HCRTR1: variants seen among roughly 807,000 people sequenced by gnomAD.
HCRTR1 encodes the protein orexin/Hypocretin receptor type 1.
In HCRTR1, 28 loss-of-function variants were observed where a neutral mutation model predicts 40.6. The ratio of observed to expected loss-of-function variants is 0.69; its 90% CI spans 0.51 to 0.95. HCRTR1 has a LOEUF of 0.95. HCRTR1 is among the 40% of genes least tolerant of loss of function. The probability of loss-of-function intolerance (pLI) is 0.00; values close to 1 mark genes in which losing one functional copy is unlikely to be tolerated. For synonymous variants in HCRTR1, 209 were observed against 230.0 expected (o/e 0.91, Z 0.83); for missense variants, 482 against 564.7 (o/e 0.85, Z 1.48).
downstream of HCRTR1, chr1:31,633,181 A>G (rs756996122): frequency 6.2e-7 from 1 of 1,613,864 alleles, no homozygotes; most frequent in Non-Finnish European, 8.5e-7. Flanking sequence ...GGCAGGTCTC[A>G]TCATTGAATG....
At chr1:31,621,437 C>G (rs1471126584) in intron 5 of HCRTR1, 40 bp from the exon 6 acceptor site, 1 of 1,463,360 alleles carries the variant, frequency 6.8e-7, no homozygotes, top group African/African-American at 1.4e-5. Flanking sequence ...GGGTGGGGCT[C>G]ACGGATTGGG....
downstream of HCRTR1, chr1:31,630,874 C>G (rs764580438): frequency 2.0e-6 from 3 of 1,533,808 alleles, no homozygotes; most frequent in Admixed American, 5.5e-5. Flanking sequence ...ACCAGACACA[C>G]AAAAACCTGC....
chr1:31,625,664 G>A lies in HCRTR1; in HGVS notation c.1087+546G>A, dbSNP rs1639961928. Among the ~76,000 whole-genome samples the A allele has an allele frequency of 6.6e-6, 1 of 151,930 alleles. No individual in the cohort carries two copies. The highest frequency in any genetic ancestry group is 2.1e-4 in the South Asian group (1 of 4,812). ...TCCCCTCTGGAAGTCTTCCTCCCCT[G>A]CCACCCCCACTCCCACTCCAGGCCT... is the stretch of plus-strand genomic sequence containing the variant. On this transcript the variant is annotated intron_variant, in intron 8 of 8. Transcript: ENST00000403528. The surrounding 1 kb of genome is among the most constrained non-coding windows in gnomAD (Gnocchi z 4.2).
chr1:31,632,427 G>T (rs372957064), downstream of HCRTR1: 5 of 1,609,754 alleles, frequency 3.1e-6, no homozygotes, highest in South Asian at 3.3e-5. Flanking sequence ...CCCCTTTGTT[G>T]TATCTTAGGG....
Position 31,623,714 on chromosome 1 carries a change from C to G in HCRTR1, c.930C>G (p.Cys310Trp). 1 of 1,614,188 alleles carries G rather than the reference C, an allele frequency of 6.2e-7. No homozygotes were observed. Residue 310 changes from cysteine (C) to tryptophan (W), a missense_variant, in exon 7 of 9, where the codon TGC becomes TGG. Transcript: ENST00000403528. ...TGGTGCTGCTGGTCTTCGCCCTCTG[C>G]TACCTGCCCATCAGCGTCCTCAATG... is the stretch of plus-strand genomic sequence containing the variant. ...LMVVLLVFALCYLPISVLNVL... is the reference protein window; with the variant it reads ...LMVVLLVFALWYLPISVLNVL...
At chr1:31,632,604 A>G (rs998840869), downstream of HCRTR1, 10 of 1,614,066 alleles carry the variant, frequency 6.2e-6, no homozygotes, top group Middle Eastern at 6.6e-4. Context: ...AGCCGTAGAC[A>G]TCGATGCGGC....
downstream of HCRTR1, chr1:31,633,184 A>G: frequency 6.2e-7 from 1 of 1,614,030 alleles, no homozygotes; most frequent in Non-Finnish European, 8.5e-7. Context: ...AGGTCTCATC[A>G]TTGAATGAAG....
downstream of HCRTR1, chr1:31,630,768 C>T (rs866571271): frequency 2.1e-5 from 34 of 1,614,012 alleles, no homozygotes; most frequent in Non-Finnish European, 2.9e-5. Context: ...GCAGGATTGG[C>T]AGAGCGTGGG....
intron 7 of HCRTR1, among the ~76,000 whole-genome samples, chr1:31,624,484 A>C (rs2148611282): frequency 6.8e-6 from 1 of 146,766 alleles, no homozygotes; most frequent in East Asian, 2.0e-4. Flanking sequence ...CTTTCCAAGG[A>C]AATGACATTT....
chr1:31,624,192 C>T (rs971873798), intron 7 of HCRTR1, among the ~76,000 whole-genome samples: 4 of 152,120 alleles, frequency 2.6e-5, no homozygotes, highest in Non-Finnish European at 5.9e-5. Context: ...GGTGCAGTGG[C>T]TCACATCTGT....
chr1:31,629,005 T>C (rs1297058525), downstream of HCRTR1, among the ~76,000 whole-genome samples: 1 of 152,176 alleles, frequency 6.6e-6, no homozygotes, highest in Non-Finnish European at 1.5e-5. Context: ...AAGGAAGATG[T>C]TTCTGCCAGT....
At chr1:31,624,448 CAAA>C (rs11438872) in intron 7 of HCRTR1, among the ~76,000 whole-genome samples, 10 of 111,034 alleles carry the variant, frequency 9.0e-5, no homozygotes, top group African/African-American at 4.5e-4. Context: ...ACAGCTGTCT[CAAA>C]AAAAAAAAAA....
At chr1:31,630,772 G>A (rs901516625), downstream of HCRTR1, 3 of 1,613,938 alleles carry the variant, frequency 1.9e-6, no homozygotes, top group African/African-American at 4.0e-5. Flanking sequence ...GATTGGCAGA[G>A]CGTGGGCAGT....
Position 31,626,832 on chromosome 1 carries a change from T to C in HCRTR1, c.1130T>C (p.Leu377Pro). ...TTTAAGGCTGCCTTCTCCTGCTGCC[T>C]GCCTGGCCTGGGTCCCTGCGGCTCT... is the stretch of plus-strand genomic sequence containing the variant. ...EQFKAAFSCC[L>P]PGLGPCGSLK... Residue 377 changes from leucine to proline, a missense_variant, in exon 9 of 9, where the codon CTG becomes CCG. By Grantham distance (98) the Leu-to-Pro change is moderately conservative. Coordinates refer to ENST00000403528, the MANE Select transcript of HCRTR1 (RefSeq NM_001525.3). This position sits in a 1 kb window ranked among gnomAD's most constrained non-coding sequence, Gnocchi z 4.6. The C allele has an allele frequency of 6.2e-7, 1 of 1,614,182 alleles. No individual in the cohort carries two copies. The highest frequency in any genetic ancestry group is 8.5e-7 in the Non-Finnish European group (1 of 1,180,036).
chr1:31,630,487 G>A (rs1640063853), downstream of HCRTR1: 1 of 990,188 alleles, frequency 1.0e-6, no homozygotes, highest in Non-Finnish European at 1.5e-6. Context: ...TTGGAACAGT[G>A]TTGCATCAAG....
At position 31,627,448 on chromosome 1, in the gene HCRTR1, C is replaced by A; in HGVS notation, c.*468C>A. 1 of 1,002,918 alleles carries A rather than the reference C, an allele frequency of 1.0e-6. No homozygotes were observed. Among genetic ancestry groups the A allele is most frequent in the Non-Finnish European group, 1.4e-6 (1 of 726,420 alleles). 62.1% of individuals were successfully genotyped at this position (1,002,918 alleles called of 1,614,324 possible). A position where few individuals can be genotyped will look rare whatever the true frequency, so the allele number is the denominator to read the frequency against. On this transcript the variant is annotated 3_prime_UTR_variant, in exon 9 of 9. Transcript: ENST00000403528. Reference sequence around the variant, plus strand: ...CTGTGTGAACTAATCTGGGCCCAGCCTTTCTCCAGCGGGCCACGAGCACAG... The same window carrying A: ...CTGTGTGAACTAATCTGGGCCCAGCATTTCTCCAGCGGGCCACGAGCACAG...
chr1:31,631,736 G>A (rs1209936090), downstream of HCRTR1, among the ~76,000 whole-genome samples: 3 of 152,264 alleles, frequency 2.0e-5, no homozygotes, highest in Non-Finnish European at 2.9e-5. Flanking sequence ...TAATATCCAC[G>A]ACAAAAGCTG....
chr1:31,632,619 C>T (rs535888711), downstream of HCRTR1: 156 of 1,614,106 alleles, frequency 9.7e-5, no homozygotes, highest in Non-Finnish European at 9.1e-5. Flanking sequence ...TGCGGCCTGA[C>T]TTGGTCTTGT....
In HCRTR1 at chr1:31,627,424, T is replaced by C; in HGVS notation, c.*444T>C. On this transcript the variant is annotated 3_prime_UTR_variant, in exon 9 of 9. Transcript: ENST00000403528. The stretch of plus-strand genomic sequence containing the variant: ...GCACTTGGCCAGCTGTTCTGATGCC[T>C]GTGTGAACTAATCTGGGCCCAGCCT... 3.5e-6 allele frequency: 4 copies of C among 1,140,396 alleles called. No homozygotes were observed. The highest frequency in any genetic ancestry group is 4.7e-6 in the Non-Finnish European group (4 of 851,502). 70.6% of individuals were successfully genotyped at this position (1,140,396 alleles called of 1,614,324 possible).
Sources: allele counts gnomAD v4.1 joint callset (sites outside exome capture counted in the v4.1 genomes callset), GRCh38; gene constraint gnomAD v4.1.1; non-coding constraint Gnocchi (gnomAD v3.1); transcripts MANE v1.5; gene names NCBI Gene and HGNC (gene_info 2026-07-23, HGNC 2026-07-21).